Variants in LRP1B observed in about 807,000 individuals in gnomAD.
LRP1B encodes low-density lipoprotein receptor-related protein 1B.
Under a neutral mutation model 556.6 loss-of-function variants are expected in LRP1B, and 217 were observed. The observed-to-expected ratio is 0.39, with a 90% CI of 0.35 to 0.44. The LOEUF (loss-of-function observed/expected upper bound fraction) is 0.44. Among genes scored for constraint, LRP1B ranks in the 20% least tolerant of loss-of-function variants. The pLI is 1.00. For missense variants in LRP1B, 5,053 were observed against 5,620.8 expected, an observed-to-expected ratio of 0.90 and a Z score of 3.23; for synonymous variants, 2,047 against 1,865.8, an observed-to-expected ratio of 1.10 and a Z score of -2.50.
chr2:141,966,401 T>C (rs1376695018), intron 1 of LRP1B, among the ~76,000 whole-genome samples: 1 of 151,848 alleles, frequency 6.6e-6, no homozygotes, highest in African/African-American at 2.4e-5. Flanking sequence ...TCCTCTTGGA[T>C]ACAGTGACAC....
intron 2 of LRP1B, among the ~76,000 whole-genome samples, chr2:141,632,278 A>G (rs1476826045): frequency 6.6e-6 from 1 of 152,180 alleles, no homozygotes; most frequent in Non-Finnish European, 1.5e-5. Flanking sequence ...AAAGATTCTT[A>G]GCACTTAAAA....
intron 41 of LRP1B, among the ~76,000 whole-genome samples, chr2:140,609,830 C>A: frequency 6.6e-6 from 1 of 152,150 alleles, no homozygotes; most frequent in East Asian, 1.9e-4. Context: ...CTTGTCAATT[C>A]ATTCTCCATC....
chr2:141,305,913 A>G (rs1402235124), intron 3 of LRP1B, among the ~76,000 whole-genome samples: 1 of 152,206 alleles, frequency 6.6e-6, no homozygotes, highest in Non-Finnish European at 1.5e-5. Context: ...ATGTTGAACC[A>G]TCCTTGCATA....
intron 1 of LRP1B, among the ~76,000 whole-genome samples, chr2:142,107,821 T>A (rs1203571119): frequency 7.4e-6 from 1 of 135,578 alleles, no homozygotes; most frequent in Non-Finnish European, 1.6e-5. Context: ...TTTTTTTGTA[T>A]TTTTAGTAGA....
At chr2:141,085,184 C>A (rs936534487) in intron 7 of LRP1B, among the ~76,000 whole-genome samples, 5 of 151,948 alleles carry the variant, frequency 3.3e-5, no homozygotes, top group African/African-American at 4.8e-5. Context: ...GTTTATTATA[C>A]ACATATATAG....
At chr2:140,654,639 G>A (rs1339456874) in intron 41 of LRP1B, among the ~76,000 whole-genome samples, 1 of 152,094 alleles carries the variant, frequency 6.6e-6, no homozygotes, top group Admixed American at 6.6e-5. Flanking sequence ...TACTAATTCA[G>A]AAGATTTTTT....
chr2:140,542,851 T>C (rs1029415293), intron 43 of LRP1B, among the ~76,000 whole-genome samples: 1 of 152,102 alleles, frequency 6.6e-6, no homozygotes, highest in Non-Finnish European at 1.5e-5. Context: ...AGTCAAGTAC[T>C]GATAAGTGCG....
chr2:140,844,219 G>A (rs1207234704), intron 29 of LRP1B, among the ~76,000 whole-genome samples: 4 of 151,668 alleles, frequency 2.6e-5, no homozygotes, highest in African/African-American at 4.8e-5. Flanking sequence ...GCGCCACCAC[G>A]CCCAGCTAAT....
At chr2:141,122,170 G>C (rs1266964590) in intron 7 of LRP1B, among the ~76,000 whole-genome samples, 2 of 151,940 alleles carry the variant, frequency 1.3e-5, no homozygotes, top group African/African-American at 2.4e-5. Context: ...CTAGGCAATA[G>C]CATTCAGGAC....
Position 140,356,400 on chromosome 2 carries a change from A to G in LRP1B, c.11472T>C (p.Ser3824=), listed in dbSNP as rs1289913274. 1.2e-6 allele frequency: 2 copies of G among 1,610,826 alleles called. No individual in the cohort carries two copies. Among genetic ancestry groups the G allele is most frequent in the East Asian group, 2.2e-5 (1 of 44,658 alleles). Residue 3824 remains serine, a synonymous_variant, in exon 75 of 91, where the codon TCT becomes TCC. Transcript: ENST00000389484. ...DDAYCNQIKT[S]VFCRCKPGFQ... is the part of the protein sequence containing the mutation. ...ATCCAGGCTTACAGCGACAGAAAAC[A>G]GATGTTTTTATTTGATTACAATATG...
chr2:140,760,552 C>A (rs288108), intron 35 of LRP1B, among the ~76,000 whole-genome samples: 3 of 152,020 alleles, frequency 2.0e-5, no homozygotes, highest in South Asian at 2.1e-4. Flanking sequence ...TGGCCCTTGG[C>A]CTTATATTGC....
chr2:140,472,001 C>T (rs1687790439), intron 60 of LRP1B, among the ~76,000 whole-genome samples: 2 of 152,216 alleles, frequency 1.3e-5, no homozygotes, highest in South Asian at 4.1e-4. Flanking sequence ...ATCTCTCAAA[C>T]TGCTCAAAGA....
At chr2:141,945,784 A>G (rs1700936983) in intron 1 of LRP1B, among the ~76,000 whole-genome samples, 1 of 152,058 alleles carries the variant, frequency 6.6e-6, no homozygotes, top group Non-Finnish European at 1.5e-5. Context: ...AATCTCAGCA[A>G]ATCAGAGGCC....
At chr2:141,997,218 G>T (rs12474389) in intron 1 of LRP1B, among the ~76,000 whole-genome samples, 94,625 of 151,734 alleles carry the variant, frequency 0.62, 29,826 homozygotes, top group African/African-American at 0.71. Context: ...AACAGCCTGG[G>T]TTTAATTTCT....
At chr2:140,752,211 G>T (rs1452150747) in intron 35 of LRP1B, among the ~76,000 whole-genome samples, 1 of 151,822 alleles carries the variant, frequency 6.6e-6, no homozygotes, top group Admixed American at 6.6e-5. Flanking sequence ...CTACTAAGAA[G>T]GCTGAGGCAG....
intron 79 of LRP1B, among the ~76,000 whole-genome samples, chr2:140,332,096 G>A (rs1317339129): frequency 1.3e-5 from 2 of 151,974 alleles, no homozygotes; most frequent in Non-Finnish European, 2.9e-5. Flanking sequence ...TTCAAAACCA[G>A]GTGTATCTGA....
chr2:141,877,703 T>C (rs1171275138), intron 1 of LRP1B, among the ~76,000 whole-genome samples: 2 of 152,004 alleles, frequency 1.3e-5, no homozygotes, highest in East Asian at 1.9e-4. Context: ...CTCAAACTGA[T>C]GTATATGGTG....
chr2:140,715,579 T>C (rs1687181182), intron 37 of LRP1B, among the ~76,000 whole-genome samples: 1 of 152,024 alleles, frequency 6.6e-6, no homozygotes, highest in African/African-American at 2.4e-5. Context: ...GATGAACATG[T>C]TTGACAACCA....
intron 7 of LRP1B, among the ~76,000 whole-genome samples, chr2:141,102,679 G>C (rs4954693): frequency 6.6e-5 from 10 of 151,490 alleles, no homozygotes; most frequent in Non-Finnish European, 1.3e-4. Context: ...AGAAAAAAAA[G>C]GTACAACTAT....
Sources: allele counts gnomAD v4.1 joint callset (sites outside exome capture counted in the v4.1 genomes callset), GRCh38; gene constraint gnomAD v4.1.1; transcripts MANE v1.5; gene names NCBI Gene and HGNC (gene_info 2026-07-23, HGNC 2026-07-21).